ADD2: variants seen among roughly 807,000 people sequenced by gnomAD.
ADD2 encodes the protein adducin 2, also known as beta-adducin.
A neutral mutation model predicts 83.0 loss-of-function variants in ADD2; 23 were observed. The ratio of observed to expected loss-of-function variants is 0.28; its 90% CI spans 0.20 to 0.39. The LOEUF (loss-of-function observed/expected upper bound fraction) is 0.39, where lower values mean the gene tolerates loss of function less well. Ranked by LOEUF, ADD2 falls within the 10% of genes least tolerant of loss-of-function variation. The probability of loss-of-function intolerance (pLI) is 1.00; values close to 1 mark genes in which losing one functional copy is unlikely to be tolerated. For missense variants in ADD2, 758 were observed against 944.9 expected (o/e 0.80, Z 2.59); for synonymous variants, 375 against 375.4 (o/e 1.00, Z 0.01).
chr2:70,676,020 T>C lies in ADD2; in HGVS notation c.1593+776A>G, dbSNP rs1670121624. On this transcript the variant is annotated intron_variant, in intron 13 of 15. Transcript: ENST00000264436. This position sits in a 1 kb window ranked among gnomAD's most constrained non-coding sequence, Gnocchi z 4.8. ...ACAACTTTCACACTTCTCCTGCCAA[T>C]GGGCACCCACCCTGTGGGCTGCAGT... is the stretch of plus-strand genomic sequence containing the variant. 1 of 985,442 alleles carries C rather than the reference T, an allele frequency of 1.0e-6. No individual in the cohort carries two copies. Among genetic ancestry groups the C allele is most frequent in the Admixed American group, 6.1e-5 (1 of 16,286 alleles). The allele number at this position is 985,442 out of a possible 1,614,324, so 61.0% of individuals were successfully genotyped here.
At chr2:70,675,981 G>T (rs1363110515) in intron 13 of ADD2, 1 of 985,322 alleles carries the variant, frequency 1.0e-6, no homozygotes, top group East Asian at 1.1e-4. Flanking sequence ...TTGGGGGGAG[G>T]TAAGTGTGAT....
intron 1 of ADD2, among the ~76,000 whole-genome samples, chr2:70,734,687 T>A (rs1265342049): frequency 6.6e-6 from 1 of 152,152 alleles, no homozygotes; most frequent in Admixed American, 6.5e-5. Flanking sequence ...AGGGTGGGCA[T>A]GAAATTAAAG....
chr2:70,744,225 T>C (rs1290189117), intron 1 of ADD2, among the ~76,000 whole-genome samples: 1 of 152,244 alleles, frequency 6.6e-6, no homozygotes, highest in Non-Finnish European at 1.5e-5. Flanking sequence ...CAATGTTAAT[T>C]GCCTGGTTTA....
intron 15 of ADD2, among the ~76,000 whole-genome samples, chr2:70,671,036 C>T (rs1322432103): frequency 1.3e-5 from 2 of 152,164 alleles, no homozygotes; most frequent in Non-Finnish European, 2.9e-5. Context: ...GCCCTTGTCC[C>T]ACTCCTCCAT....
At chr2:70,677,619 C>T in intron 12 of ADD2, 139 bp downstream of exon 12, 4 of 1,148,062 alleles carry the variant, frequency 3.5e-6, no homozygotes, top group Non-Finnish European at 5.0e-6. Flanking sequence ...CATGGTCAGT[C>T]AATGGTAGTT....
At chr2:70,705,148 C>T (rs1365736924) in intron 3 of ADD2, among the ~76,000 whole-genome samples, 2 of 152,176 alleles carry the variant, frequency 1.3e-5, no homozygotes, top group Non-Finnish European at 2.9e-5. Flanking sequence ...GCTAACTCTG[C>T]CGCCTCTCCT....
chr2:70,706,081 T>TGA lies in ADD2; in HGVS notation c.183+143_183+144dup. ...CAAGGGAGAGTGTCAAGGCCCCAGG[T>TGA]GACCAGATCCGTCTTGCTCAGTGGG... On this transcript the variant is annotated intron_variant, in intron 3 of 15. Transcript: ENST00000264436. The surrounding 1 kb of genome is among the most constrained non-coding windows in gnomAD (Gnocchi z 5.0). 1.3e-6 allele frequency: 1 copy of TGA among 790,020 alleles called. No individual in the cohort carries two copies. The highest frequency in any genetic ancestry group is 1.9e-6 in the Non-Finnish European group (1 of 521,534). 48.9% of individuals were successfully genotyped at this position (790,020 alleles called of 1,614,324 possible). A position where few individuals can be genotyped will look rare whatever the true frequency, so the allele number is the denominator to read the frequency against.
chr2:70,767,684 C>T (rs2104580849), intron 1 of ADD2: 1 of 1,394,632 alleles, frequency 7.2e-7, no homozygotes, highest in East Asian at 2.8e-5. Context: ...TTCCTAAGAG[C>T]CTCGGATGCT....
rs1558511485 is a variant in ADD2, at chr2:70,659,918, A to G, written c.*3507T>C. On this transcript the variant is annotated 3_prime_UTR_variant, in exon 16 of 16. Transcript: ENST00000264436. ...AGCTCAGCCAGCCACAGAGCAGCAC[A>G]TTGGTTCAAATGTTACCCTTTTCTC... The G allele has an allele frequency of 6.6e-6, 1 of 152,346 alleles. No individual in the cohort carries two copies. Among genetic ancestry groups the G allele is most frequent in the Non-Finnish European group, 1.5e-5 (1 of 68,110 alleles). The allele number at this position is 152,346 out of a possible 1,614,324, so 9.4% of individuals were successfully genotyped here. A position where few individuals can be genotyped will look rare whatever the true frequency, so the allele number is the denominator to read the frequency against.
intron 1 of ADD2, among the ~76,000 whole-genome samples, chr2:70,755,543 C>T (rs782444040): frequency 9.2e-5 from 14 of 152,186 alleles, no homozygotes; most frequent in Non-Finnish European, 1.6e-4. Flanking sequence ...CAGCACTGCA[C>T]AGTAACCACA....
intron 1 of ADD2, among the ~76,000 whole-genome samples, chr2:70,757,808 C>T (rs1674875026): frequency 6.6e-6 from 1 of 152,152 alleles, no homozygotes; most frequent in Non-Finnish European, 1.5e-5. Flanking sequence ...AATAAAATAA[C>T]ACAAGCAGAA....
intron 15 of ADD2, among the ~76,000 whole-genome samples, chr2:70,671,681 C>T (rs1553367070): frequency 1.3e-5 from 2 of 152,168 alleles, no homozygotes; most frequent in Admixed American, 1.3e-4. Flanking sequence ...ACACAATGAA[C>T]ACAACAGTCG....
At chr2:70,708,309 C>T (rs1553374895) in intron 2 of ADD2, among the ~76,000 whole-genome samples, 1 of 152,204 alleles carries the variant, frequency 6.6e-6, no homozygotes, top group Non-Finnish European at 1.5e-5. Flanking sequence ...CCTGAGCCCT[C>T]AGCCTAGAGC....
intron 9 of ADD2, among the ~76,000 whole-genome samples, chr2:70,685,027 T>C (rs1670647106): frequency 6.6e-6 from 1 of 152,226 alleles, no homozygotes; most frequent in Non-Finnish European, 1.5e-5. Flanking sequence ...ATGACAAATC[T>C]AGCTACATAA....
At chr2:70,686,854 C>T (rs1017162972) in intron 9 of ADD2, among the ~76,000 whole-genome samples, 3 of 152,160 alleles carry the variant, frequency 2.0e-5, no homozygotes, top group African/African-American at 7.2e-5. Flanking sequence ...CACAGCTATC[C>T]TCACCACATA....
At chr2:70,699,560 G>A (rs528655364) in intron 4 of ADD2, among the ~76,000 whole-genome samples, 2 of 152,036 alleles carry the variant, frequency 1.3e-5, no homozygotes, top group African/African-American at 2.4e-5. Context: ...CAGAAAACTC[G>A]CTTGAGCCTA....
rs1233231801 is a variant in ADD2, at chr2:70,677,984, G to C, written c.1384-107C>G. On this transcript the variant is annotated intron_variant, in intron 11 of 15. Coordinates refer to ENST00000264436, the MANE Select transcript of ADD2 (RefSeq NM_001617.4). ...GCCCAACATCCTGCATGGAAGGTCA[G>C]CAAGCCTACTCATAGACACTCTCTC... is the stretch of plus-strand genomic sequence containing the variant. The C allele has an allele frequency of 4.8e-6, 7 of 1,456,138 alleles. No individual in the cohort carries two copies. In the Admixed American group the frequency reaches 5.4e-5, roughly 11 times the overall value. 90.2% of individuals were successfully genotyped at this position (1,456,138 alleles called of 1,614,324 possible). A position where few individuals can be genotyped will look rare whatever the true frequency, so the allele number is the denominator to read the frequency against.
In ADD2 at chr2:70,693,032, A is replaced by G. The variant is rs373136127; in HGVS notation, c.556-480T>C. ...GCCTTCCAGGGGGAGTAATGTCTAC[A>G]CTGAGCCCTTTCTCAACGAGGCTCA... On this transcript the variant is annotated intron_variant, in intron 6 of 15. Coordinates refer to ENST00000264436, the MANE Select transcript of ADD2 (RefSeq NM_001617.4). 2.6e-5 allele frequency among the ~76,000 whole-genome samples: 4 copies of G among 152,116 alleles called. No individual in the cohort carries two copies. The East Asian group carries it at 7.7e-4, about 29-fold the overall frequency.
intron 1 of ADD2, among the ~76,000 whole-genome samples, chr2:70,742,160 T>C (rs1254942111): frequency 6.6e-6 from 1 of 152,230 alleles, no homozygotes; most frequent in African/African-American, 2.4e-5. Flanking sequence ...CTAATTCTTC[T>C]TTTCCTTGAC....
Sources: allele counts gnomAD v4.1 joint callset (sites outside exome capture counted in the v4.1 genomes callset), GRCh38; gene constraint gnomAD v4.1.1; non-coding constraint Gnocchi (gnomAD v3.1); transcripts MANE v1.5; gene names NCBI Gene and HGNC (gene_info 2026-07-23, HGNC 2026-07-21).